Variants in POM121 observed in about 807,000 individuals in gnomAD.
POM121 encodes nuclear envelope pore membrane protein POM 121.
Under a neutral mutation model 81.3 loss-of-function variants are expected in POM121, and 32 were observed. That is an observed-to-expected ratio of 0.39 (90% CI 0.30 to 0.53). The LOEUF is 0.53. Ranked by LOEUF, POM121 falls within the 20% of genes least tolerant of loss-of-function variation. The pLI is 0.66. For synonymous variants in POM121, 514 were observed against 694.2 expected (o/e 0.74, Z 4.08); for missense variants, 1,138 against 1,614.6 (o/e 0.70, Z 5.06).
rs1160845346 is a variant in POM121 at position 72,925,121 on chromosome 7, G to T, written c.-1G>T. The T allele has an allele frequency of 7.0e-7, 1 of 1,419,098 alleles. No homozygotes were observed. Among genetic ancestry groups the T allele is most frequent in the Non-Finnish European group, 9.1e-7 (1 of 1,100,842 alleles). The allele number at this position is 1,419,098 out of a possible 1,614,324, so 87.9% of individuals were successfully genotyped here. Reference sequence around the variant, plus strand: ...AGTCTCCTCCGCGGCGCGGAGCCGCGATGTCTCCGGCGGCTGCGGCGGCTG... The same window carrying T: ...AGTCTCCTCCGCGGCGCGGAGCCGCTATGTCTCCGGCGGCTGCGGCGGCTG... On this transcript the variant is annotated 5_prime_UTR_variant, in exon 1 of 13. Coordinates refer to ENST00000434423, the MANE Select transcript of POM121 (RefSeq NM_001387691.1).
At chr7:72,908,912 C>T (rs559076001) in intron 3 of POM121, among the ~76,000 whole-genome samples, 4 of 152,144 alleles carry the variant, frequency 2.6e-5, no homozygotes, top group South Asian at 2.1e-4. Flanking sequence ...GTGCAGTTAA[C>T]GTAATCATCA....
upstream of POM121, chr7:72,925,001 G>A (rs1460277600): frequency 1.5e-6 from 2 of 1,324,884 alleles, no homozygotes; most frequent in South Asian, 2.0e-5. Context: ...GGTCTCGGGC[G>A]CTGCCGGGCG....
intron 3 of POM121, among the ~76,000 whole-genome samples, chr7:72,909,880 C>A (rs1400051426): frequency 1.3e-5 from 2 of 152,182 alleles, no homozygotes; most frequent in Middle Eastern, 3.2e-3. Context: ...CTCCTGGGCT[C>A]AAGTGTTCCT....
chr7:72,930,317 T>A (rs576817075), intron 5 of POM121, among the ~76,000 whole-genome samples: 1 of 152,372 alleles, frequency 6.6e-6, no homozygotes, highest in East Asian at 1.9e-4. Flanking sequence ...GAAAATTTTT[T>A]AAATAAAGTA....
chr7:72,948,939 A>G, downstream of POM121: 1 of 1,612,496 alleles, frequency 6.2e-7, no homozygotes, highest in Non-Finnish European at 8.5e-7. Context: ...CCATGTCTTC[A>G]TTCTCCTCCT....
At chr7:72,932,294 A>G (rs1271843244) in intron 5 of POM121, among the ~76,000 whole-genome samples, 2 of 151,748 alleles carry the variant, frequency 1.3e-5, no homozygotes, top group Non-Finnish European at 2.9e-5. Context: ...AACGGTATGC[A>G]TATCAGTGTA....
Position 72,893,147 on chromosome 7 carries a change from G to A in POM121, c.-216+2037G>A, listed in dbSNP as rs185543289. 6.3e-3 allele frequency among the ~76,000 whole-genome samples: 955 copies of A among 152,020 alleles called. 26 individuals carry two copies. The highest frequency in any genetic ancestry group is 0.052 in the Admixed American group (794 of 15,246). On this transcript the variant is annotated intron_variant, in intron 3 of 15. Transcript: ENST00000395270. Reference sequence around the variant, plus strand: ...CTATTTTTGTATTTTTAGTAGAGACGGGGTTTCAGTCTGTTGGCCAGGAGT... The same window carrying A: ...CTATTTTTGTATTTTTAGTAGAGACAGGGTTTCAGTCTGTTGGCCAGGAGT...
chr7:72,913,269 G>T (rs1178834525), intron 3 of POM121, among the ~76,000 whole-genome samples: 1 of 152,338 alleles, frequency 6.6e-6, no homozygotes, highest in East Asian at 1.9e-4. Flanking sequence ...TGGACTTGCG[G>T]GGTCTCCCCA....
chr7:72,910,485 A>G (rs1224773285), intron 3 of POM121, among the ~76,000 whole-genome samples: 1 of 152,052 alleles, frequency 6.6e-6, no homozygotes, highest in African/African-American at 2.4e-5. Context: ...TCTTTGAGAG[A>G]GGATGGGGTG....
Position 72,941,979 on chromosome 7 carries a change from G to A in POM121, c.1986G>A (p.Leu662=), listed in dbSNP as rs143084935. The A allele has an allele frequency of 3.7e-4, 595 of 1,590,796 alleles. No homozygotes were observed. The highest frequency in any genetic ancestry group is 1.6e-3 in the Middle Eastern group (7 of 4,392). ...ACTCCAAACCCCCGACCACTTTGCT[G>A]GGGCTGATCCCTGCTCCATCCATGG... ...SFDSKPPTTL[L]GLIPAPSMVP... Residue 662 remains leucine, a synonymous_variant, in exon 11 of 13, where the codon CTG becomes CTA. Coordinates refer to ENST00000434423, the MANE Select transcript of POM121 (RefSeq NM_001387691.1).
At chr7:72,897,551 T>G (rs1554491898) in intron 3 of POM121, among the ~76,000 whole-genome samples, 1 of 152,134 alleles carries the variant, frequency 6.6e-6, no homozygotes, top group Non-Finnish European at 1.5e-5. Flanking sequence ...CTAATGAGAT[T>G]CAACTTAGTG....
intron 3 of POM121, among the ~76,000 whole-genome samples, chr7:72,896,283 G>A (rs1365011813): frequency 6.6e-6 from 1 of 151,984 alleles, no homozygotes; most frequent in Admixed American, 6.6e-5. Flanking sequence ...CCAGGGGTTC[G>A]AGGTCAGCCT....
downstream of POM121, chr7:72,949,548 T>C (rs1177912750): frequency 3.9e-6 from 3 of 759,746 alleles, no homozygotes; most frequent in Non-Finnish European, 4.5e-6. Context: ...GCTAAGGGCC[T>C]GTCACAGCTG....
intron 1 of POM121, among the ~76,000 whole-genome samples, chr7:72,887,458 T>A (rs1338822988): frequency 6.6e-6 from 1 of 152,228 alleles, no homozygotes; most frequent in Non-Finnish European, 1.5e-5. Flanking sequence ...AAGGCAGAAG[T>A]TGATTGGTTC....
At chr7:72,902,893 G>A (rs1417112459) in intron 3 of POM121, among the ~76,000 whole-genome samples, 1 of 152,122 alleles carries the variant, frequency 6.6e-6, no homozygotes, top group Non-Finnish European at 1.5e-5. Context: ...TGTTCTCCTT[G>A]TATCCTTTAA....
Position 72,925,480 on chromosome 7 carries a change from T to G in POM121, c.359T>G (p.Leu120Arg). The G allele has an allele frequency of 6.5e-7, 1 of 1,533,634 alleles. No homozygotes were observed. Among genetic ancestry groups the G allele is most frequent in the Non-Finnish European group, 8.7e-7 (1 of 1,146,488 alleles). The change falls in exon 1 of 13, where the codon CTA becomes CGA. Residue 120 changes from leucine to arginine, a missense_variant. Physicochemically the swap from Leu to Arg is moderately radical, Grantham distance 102 (BLOSUM62 -2). Coordinates refer to ENST00000434423, the MANE Select transcript of POM121 (RefSeq NM_001387691.1). Reference sequence around the variant, plus strand: ...AAGTCGACAGCCAACGGAAACCTCCTAGAGCCGCGGACCCTGCTCGAAGGA... The same window carrying G: ...AAGTCGACAGCCAACGGAAACCTCCGAGAGCCGCGGACCCTGCTCGAAGGA... The part of the protein sequence containing the change: ...LAKSTANGNL[L>R]EPRTLLEGPD...
At chr7:72,892,149 C>A (rs554387926) in intron 3 of POM121, among the ~76,000 whole-genome samples, 1 of 152,294 alleles carries the variant, frequency 6.6e-6, no homozygotes, top group South Asian at 2.1e-4. Flanking sequence ...CTCTTAGAAC[C>A]CATTTTCCAC....
Position 72,948,045 on chromosome 7 carries a change from T to A in POM121, c.*1811T>A. The A allele has an allele frequency of 2.4e-6, 3 of 1,234,484 alleles. No individual in the cohort carries two copies. Among genetic ancestry groups the A allele is most frequent in the Non-Finnish European group, 3.1e-6 (3 of 979,436 alleles). The allele number at this position is 1,234,484 out of a possible 1,614,324, so 76.5% of individuals were successfully genotyped here. A position where few individuals can be genotyped will look rare whatever the true frequency, so the allele number is the denominator to read the frequency against. On this transcript the variant is annotated 3_prime_UTR_variant, in exon 13 of 13. Transcript: ENST00000434423. ...ATCAAGCTTCTACCTGTACCTTATGTAAGGTAGACCCTCCTAGTGTCAGTA... is the reference window on the plus strand; with the variant it reads ...ATCAAGCTTCTACCTGTACCTTATGAAAGGTAGACCCTCCTAGTGTCAGTA...
In POM121 at chr7:72,928,427, C is replaced by T; in HGVS notation, c.1065C>T (p.Pro355=). The T allele has an allele frequency of 2.5e-6, 4 of 1,614,212 alleles. No homozygotes were observed. The highest frequency in any genetic ancestry group is 1.1e-5 in the South Asian group (1 of 91,086). Residue 355 remains proline, a synonymous_variant, in exon 4 of 13, where the codon CCC becomes CCT. Transcript: ENST00000434423. ...GCAGTGGACATTCAGCATTTGAGCC[C>T]CTGGTGGCCAATGGAGTCCCCGCTT... is the stretch of plus-strand genomic sequence containing the variant. ...SSGSGHSAFE[P]LVANGVPASF... is the part of the protein sequence containing the mutation.
Sources: gnomAD v4.1 joint callset for allele counts (sites outside exome capture counted in the v4.1 genomes callset) on GRCh38, gnomAD v4.1.1 for gene constraint, MANE v1.5 for transcripts, NCBI Gene and HGNC (gene_info 2026-07-23, HGNC 2026-07-21) for gene names.